The following NEDD4L variants were observed in gnomAD, a reference collection of about 807,000 sequenced individuals.
NEDD4L encodes E3 ubiquitin-protein ligase NEDD4-like.
A neutral mutation model predicts 148.9 loss-of-function variants in NEDD4L; 54 were observed. That is an observed-to-expected ratio of 0.36 (90% CI 0.29 to 0.45). NEDD4L has a LOEUF of 0.45. Ranked by LOEUF, NEDD4L falls within the 20% of genes least tolerant of loss-of-function variation. The pLI, the probability that NEDD4L is intolerant of heterozygous loss-of-function variation, is 1.00. For missense variants in NEDD4L, 856 were observed against 1,233.8 expected, an observed-to-expected ratio of 0.69 and a Z score of 4.59; for synonymous variants, 433 against 440.7, an observed-to-expected ratio of 0.98 and a Z score of 0.22.
At chr18:58,106,876 T>C (rs1441791908) in intron 1 of NEDD4L, among the ~76,000 whole-genome samples, 1 of 149,780 alleles carries the variant, frequency 6.7e-6, no homozygotes, top group African/African-American at 2.5e-5. Flanking sequence ...CTTCACCTGC[T>C]TTGCTTCTTG....
intron 1 of NEDD4L, among the ~76,000 whole-genome samples, chr18:58,092,353 G>A (rs1238730919): frequency 6.6e-6 from 1 of 152,198 alleles, no homozygotes; most frequent in Non-Finnish European, 1.5e-5. Flanking sequence ...TGGGGTGGGG[G>A]ATTGTGTGTA....
chr18:58,119,518 C>T (rs967594601), intron 1 of NEDD4L, among the ~76,000 whole-genome samples: 9 of 152,202 alleles, frequency 5.9e-5, no homozygotes, highest in East Asian at 1.9e-4. Context: ...ACCTTTACCC[C>T]GATCCACTGA....
chr18:58,076,327 C>T (rs1287043129), intron 1 of NEDD4L, among the ~76,000 whole-genome samples: 2 of 152,048 alleles, frequency 1.3e-5, no homozygotes, highest in African/African-American at 2.4e-5. Flanking sequence ...TGATTCCATT[C>T]GTAATACATA....
At chr18:58,136,866 A>G (rs71355685) in intron 1 of NEDD4L, among the ~76,000 whole-genome samples, 2,391 of 152,306 alleles carry the variant, frequency 0.016, 33 homozygotes, top group Non-Finnish European at 0.026. Flanking sequence ...TGTTGTATAC[A>G]CTGACTGGAC....
At chr18:58,177,768 G>A (rs918820994) in intron 2 of NEDD4L, among the ~76,000 whole-genome samples, 3 of 152,214 alleles carry the variant, frequency 2.0e-5, no homozygotes, top group African/African-American at 7.2e-5. Flanking sequence ...TGCCAATGTT[G>A]TATTACTTCA....
chr18:58,087,093 T>C (rs1171368490), intron 1 of NEDD4L, among the ~76,000 whole-genome samples: 1 of 152,246 alleles, frequency 6.6e-6, no homozygotes, highest in East Asian at 1.9e-4. Flanking sequence ...TTAGGGCCTT[T>C]GGTTTGCCAG....
At position 58,373,264 on chromosome 18, in the gene NEDD4L, G is replaced by A; in HGVS notation, c.2347G>A (p.Gly783Arg). The A allele has an allele frequency of 1.3e-6, 2 of 1,565,414 alleles. No homozygotes were observed. Among genetic ancestry groups the A allele is most frequent in the Non-Finnish European group, 1.7e-6 (2 of 1,148,452 alleles). Residue 783 changes from glycine (G) to arginine (R), a missense_variant, in exon 24 of 31, where the codon GGA becomes AGA. Transcript: ENST00000400345. ...LMFCIDEENF[G>R]QTYQVDLKPN... ...GTTCTGCATAGACGAAGAAAACTTTGGACAGGTACATGTGGGTAACCCTGG... is the reference window on the plus strand; with the variant it reads ...GTTCTGCATAGACGAAGAAAACTTTAGACAGGTACATGTGGGTAACCCTGG...
At chr18:58,185,880 AAAAAATT>A (rs1000234977) in intron 2 of NEDD4L, among the ~76,000 whole-genome samples, 35 of 152,236 alleles carry the variant, frequency 2.3e-4, no homozygotes, top group African/African-American at 6.7e-4. Flanking sequence ...TCTCAAAAAA[AAAAAATT>A]AAAATTAAAA....
chr18:58,180,083 G>C (rs1181373971), intron 2 of NEDD4L, among the ~76,000 whole-genome samples: 4 of 152,194 alleles, frequency 2.6e-5, no homozygotes, highest in Non-Finnish European at 5.9e-5. Context: ...CTAAGACACA[G>C]ACAGACCATG....
chr18:58,209,942 G>A (rs145674284), intron 2 of NEDD4L, among the ~76,000 whole-genome samples: 91 of 152,056 alleles, frequency 6.0e-4, no homozygotes, highest in Middle Eastern at 3.4e-3. Context: ...CAAGGCGGGC[G>A]GATCACCTGA....
At chr18:58,106,890 C>CG (rs113149748) in intron 1 of NEDD4L, among the ~76,000 whole-genome samples, 15,599 of 152,182 alleles carry the variant, frequency 0.1, 1,314 homozygotes, top group African/African-American at 0.23. Flanking sequence ...CTTCTTGACA[C>CG]GGCAGGAGAA....
intron 5 of NEDD4L, chr18:58,255,730 C>T: frequency 8.1e-7 from 1 of 1,232,412 alleles, no homozygotes; most frequent in Non-Finnish European, 1.0e-6. Flanking sequence ...GAGAAGACGA[C>T]TTCTTCATGG....
chr18:58,234,044 CT>C (rs1255489556), intron 2 of NEDD4L, among the ~76,000 whole-genome samples: 2 of 113,972 alleles, frequency 1.8e-5, no homozygotes, highest in Non-Finnish European at 3.9e-5. Flanking sequence ...CATTTCTTTC[CT>C]TTTCTTTCTT....
intron 2 of NEDD4L, among the ~76,000 whole-genome samples, chr18:58,184,744 C>T (rs1202873620): frequency 3.9e-5 from 6 of 151,980 alleles, no homozygotes; most frequent in African/African-American, 9.6e-5. Context: ...CTGGCTAACA[C>T]GGTGAAACCC....
chr18:58,289,604 C>T (rs115930760), intron 5 of NEDD4L, among the ~76,000 whole-genome samples: 2,946 of 152,198 alleles, frequency 0.019, 85 homozygotes, highest in African/African-American at 0.057. Context: ...CTCAGGGGCC[C>T]GTTCCACCAG....
chr18:58,053,717 G>A (rs2081979545), intron 1 of NEDD4L, among the ~76,000 whole-genome samples: 1 of 152,196 alleles, frequency 6.6e-6, no homozygotes, highest in Non-Finnish European at 1.5e-5. Context: ...ATATTTAAAA[G>A]TGTGTTGTAA....
At chr18:58,319,918 C>T (rs1180756848) in intron 6 of NEDD4L, among the ~76,000 whole-genome samples, 1 of 152,152 alleles carries the variant, frequency 6.6e-6, no homozygotes, top group Non-Finnish European at 1.5e-5. Flanking sequence ...TGGTTTGATC[C>T]TCACAACAGC....
chr18:58,101,458 A>G (rs2084748605), intron 1 of NEDD4L, among the ~76,000 whole-genome samples: 1 of 151,812 alleles, frequency 6.6e-6, no homozygotes, highest in Non-Finnish European at 1.5e-5. Context: ...TGGTGTCTGG[A>G]GTGCCTGGTC....
chr18:58,364,980 T>A (rs1289960055), intron 20 of NEDD4L, among the ~76,000 whole-genome samples: 1 of 152,216 alleles, frequency 6.6e-6, no homozygotes, highest in African/African-American at 2.4e-5. Context: ...CAGTTTTCTC[T>A]TCAATTTTCT....
Sources: allele counts gnomAD v4.1 joint callset (sites outside exome capture counted in the v4.1 genomes callset), GRCh38; gene constraint gnomAD v4.1.1; transcripts MANE v1.5; gene names NCBI Gene and HGNC (gene_info 2026-07-23, HGNC 2026-07-21).